The following LMBRD2 variants were observed in gnomAD, a reference collection of about 807,000 sequenced individuals.
LMBRD2 encodes G protein-coupled receptor-associated protein LMBRD2.
Under a neutral mutation model 94.4 loss-of-function variants are expected in LMBRD2, and 55 were observed. The observed-to-expected ratio is 0.58, with a 90% confidence interval of 0.47 to 0.73. The LOEUF (loss-of-function observed/expected upper bound fraction) is 0.73. Ranked by LOEUF, LMBRD2 falls within the 30% of genes least tolerant of loss-of-function variation. The pLI is 0.00. For synonymous variants in LMBRD2, 246 were observed against 272.4 expected (o/e 0.90, Z 0.95); for missense variants, 640 against 831.9 (o/e 0.77, Z 2.84).
chr5:36,146,943 T>TGTGA (rs1744561755), intron 1 of LMBRD2, among the ~76,000 whole-genome samples: 2 of 22,672 alleles, frequency 8.8e-5, no homozygotes, highest in Non-Finnish European at 2.6e-4. Flanking sequence ...TGTGTGTGAG[T>TGTGA]GTGTGTGTGT....
chr5:36,113,384 G>A (rs1460885560), intron 13 of LMBRD2, among the ~76,000 whole-genome samples: 1 of 152,010 alleles, frequency 6.6e-6, no homozygotes, highest in Non-Finnish European at 1.5e-5. Flanking sequence ...CGGGGATCTC[G>A]GTTTTTGGAC....
At chr5:36,124,774 C>A (rs190516535) in intron 6 of LMBRD2, among the ~76,000 whole-genome samples, 12 of 152,094 alleles carry the variant, frequency 7.9e-5, no homozygotes, top group Non-Finnish European at 5.9e-5. Flanking sequence ...TACTGGCGGG[C>A]GCAGTGGCTC....
intron 4 of LMBRD2, among the ~76,000 whole-genome samples, chr5:36,140,656 G>T (rs373816498): frequency 6.6e-6 from 1 of 152,158 alleles, no homozygotes; most frequent in Admixed American, 6.5e-5. Context: ...TCTGCTAAGA[G>T]GCTAAGAGTA....
intron 11 of LMBRD2, among the ~76,000 whole-genome samples, chr5:36,115,322 C>T (rs369430062): frequency 6.6e-6 from 1 of 152,168 alleles, no homozygotes; most frequent in South Asian, 2.1e-4. Context: ...TCAATGCCTA[C>T]GTGACTACAG....
At chr5:36,138,552 G>A (rs1050403110) in intron 4 of LMBRD2, among the ~76,000 whole-genome samples, 3 of 152,164 alleles carry the variant, frequency 2.0e-5, no homozygotes, top group Non-Finnish European at 2.9e-5. Flanking sequence ...TGGGGAGTGC[G>A]GGATGACTAC....
chr5:36,147,301 G>GTGA (rs1278493700), intron 1 of LMBRD2, among the ~76,000 whole-genome samples: 4 of 152,082 alleles, frequency 2.6e-5, no homozygotes, highest in Non-Finnish European at 5.9e-5. Flanking sequence ...CTTTAACCTT[G>GTGA]TGCCAACATT....
At chr5:36,110,628 T>C (rs1006091656) in intron 14 of LMBRD2, among the ~76,000 whole-genome samples, 1 of 152,152 alleles carries the variant, frequency 6.6e-6, no homozygotes, top group African/African-American at 2.4e-5. Context: ...TAAGAACCAA[T>C]GTCCCAAAAG....
At chr5:36,117,450 C>T (rs1743784548) in intron 10 of LMBRD2, among the ~76,000 whole-genome samples, 1 of 152,004 alleles carries the variant, frequency 6.6e-6, no homozygotes, top group Non-Finnish European at 1.5e-5. Flanking sequence ...TGCCACCACA[C>T]TCCAGCCTGG....
chr5:36,143,405 A>G lies in LMBRD2; in HGVS notation c.-56T>C. ...TTATTCATGTACAGGTCTGGACCATATCTATAAAGTAAAAAGAAGGTTAAA... is the reference window on the plus strand; with the variant it reads ...TTATTCATGTACAGGTCTGGACCATGTCTATAAAGTAAAAAGAAGGTTAAA... On this transcript the variant is annotated splice_region_variant and 5_prime_UTR_variant, in exon 2 of 18. Transcript: ENST00000296603. The G allele has an allele frequency of 3.0e-6, 4 of 1,337,070 alleles. No individual in the cohort carries two copies. The highest frequency in any genetic ancestry group is 2.9e-5 in the South Asian group (2 of 68,082). 82.8% of individuals were successfully genotyped at this position (1,337,070 alleles called of 1,614,324 possible).
intron 4 of LMBRD2, 159 bp downstream of exon 4, chr5:36,140,948 G>A: frequency 1.9e-6 from 1 of 525,744 alleles, no homozygotes; most frequent in Non-Finnish European, 3.4e-6. Context: ...GTAGACAGTG[G>A]ATAACTATGA....
chr5:36,129,953 C>T (rs747164219), intron 6 of LMBRD2, among the ~76,000 whole-genome samples: 5 of 152,178 alleles, frequency 3.3e-5, no homozygotes, highest in Non-Finnish European at 5.9e-5. Flanking sequence ...AACCAAACAC[C>T]GCATGTTCTC....
chr5:36,106,036 C>T (rs950400195), intron 16 of LMBRD2, among the ~76,000 whole-genome samples: 1 of 152,126 alleles, frequency 6.6e-6, no homozygotes, highest in Non-Finnish European at 1.5e-5. Flanking sequence ...ATCTCTTCAT[C>T]TTTTCTCTCA....
chr5:36,143,406 T>A lies in LMBRD2; in HGVS notation c.-57A>T. On this transcript the variant is annotated splice_region_variant and 5_prime_UTR_variant, in exon 2 of 18. Coordinates refer to ENST00000296603, the MANE Select transcript of LMBRD2 (RefSeq NM_001007527.2). ...TATTCATGTACAGGTCTGGACCATA[T>A]CTATAAAGTAAAAAGAAGGTTAAAA... is the stretch of plus-strand genomic sequence containing the variant. 3 of 1,330,656 alleles carry A rather than the reference T, an allele frequency of 2.3e-6. No individual in the cohort carries two copies. The South Asian group carries it at 4.5e-5, about 20-fold the overall frequency. 82.4% of individuals were successfully genotyped at this position (1,330,656 alleles called of 1,614,324 possible).
chr5:36,103,762 T>A lies in LMBRD2; in HGVS notation c.*284A>T, dbSNP rs1743399254. On this transcript the variant is annotated 3_prime_UTR_variant, in exon 18 of 18. Transcript: ENST00000296603. ...TTAATCTGAAACAAACTGAACTGCA[T>A]GTTCTTAACATATGTTGATCTTTCT... 4.9e-6 allele frequency: 1 copy of A among 202,154 alleles called. No individual in the cohort carries two copies. The highest frequency in any genetic ancestry group is 1.3e-4 in the South Asian group (1 of 7,474). The allele number at this position is 202,154 out of a possible 1,614,324, so 12.5% of individuals were successfully genotyped here.
At chr5:36,149,513 C>T (rs1190695047) in intron 1 of LMBRD2, among the ~76,000 whole-genome samples, 1 of 152,226 alleles carries the variant, frequency 6.6e-6, no homozygotes, top group Admixed American at 6.5e-5. Context: ...GGCTTTAATC[C>T]TTATGTTCCA....
intron 5 of LMBRD2, among the ~76,000 whole-genome samples, 177 bp downstream of exon 5, chr5:36,137,097 T>G (rs2111901098): frequency 6.6e-6 from 1 of 152,310 alleles, no homozygotes; most frequent in Non-Finnish European, 1.5e-5. Flanking sequence ...AAAGATGTCA[T>G]TCCATATTTT....
At chr5:36,109,829 T>C (rs545179915) in intron 15 of LMBRD2, 116 bp downstream of exon 15, 26 of 738,038 alleles carry the variant, frequency 3.5e-5, no homozygotes, top group Middle Eastern at 3.9e-4. Context: ...ATATATCTTA[T>C]AACATTTTTC....
At chr5:36,131,803 G>A (rs1280408294) in intron 6 of LMBRD2, among the ~76,000 whole-genome samples, 2 of 151,988 alleles carry the variant, frequency 1.3e-5, no homozygotes, top group Non-Finnish European at 2.9e-5. Flanking sequence ...AAACACTGAT[G>A]CAAGGAATTG....
chr5:36,101,205 CTTT>C lies in LMBRD2; in HGVS notation c.*2838_*2840del, dbSNP rs1561508393. The C allele has an allele frequency of 6.6e-6, 1 of 151,766 alleles. No individual in the cohort carries two copies. The highest frequency in any genetic ancestry group is 2.4e-5 in the African/African-American group (1 of 41,394). 9.4% of individuals were successfully genotyped at this position (151,766 alleles called of 1,614,324 possible). A position where few individuals can be genotyped will look rare whatever the true frequency, so the allele number is the denominator to read the frequency against. On this transcript the variant is annotated 3_prime_UTR_variant, in exon 18 of 18. Coordinates refer to ENST00000296603, the MANE Select transcript of LMBRD2 (RefSeq NM_001007527.2). ...ATTTTAATAATTAAACTTATTCTTTCTTTTGTTTTTTACAAAAATGCTCTATTG... is the reference window on the plus strand; with the variant it reads ...ATTTTAATAATTAAACTTATTCTTTCTGTTTTTTACAAAAATGCTCTATTG...
Sources: allele counts gnomAD v4.1 joint callset (sites outside exome capture counted in the v4.1 genomes callset), GRCh38; gene constraint gnomAD v4.1.1; transcripts MANE v1.5; gene names NCBI Gene and HGNC (gene_info 2026-07-23, HGNC 2026-07-21).